Variants in COL25A1 observed in about 807,000 individuals in gnomAD.
The protein encoded by COL25A1 is collagen type XXV alpha 1 chain, also known as collagen alpha-1(XXV) chain.
COL25A1 carries 103 observed loss-of-function variants against 128.4 expected under a neutral mutation model. The ratio of observed to expected loss-of-function variants is 0.80; its 90% CI spans 0.68 to 0.94. COL25A1 has a LOEUF of 0.94. COL25A1 is among the 40% of genes least tolerant of loss of function. The pLI is 0.00. For synonymous variants in COL25A1, 279 were observed against 277.2 expected, an observed-to-expected ratio of 1.01 and a Z score of -0.06; for missense variants, 745 against 840.0, an observed-to-expected ratio of 0.89 and a Z score of 1.40.
At chr4:109,091,875 A>T (rs1764938560) in intron 3 of COL25A1, among the ~76,000 whole-genome samples, 1 of 152,170 alleles carries the variant, frequency 6.6e-6, no homozygotes, top group Non-Finnish European at 1.5e-5. Context: ...CAAGCGCAGG[A>T]GTGAGTTTTC....
chr4:109,093,212 A>G (rs1402318119), intron 3 of COL25A1, among the ~76,000 whole-genome samples: 1 of 152,184 alleles, frequency 6.6e-6, no homozygotes, highest in African/African-American at 2.4e-5. Flanking sequence ...AACTAAAACT[A>G]AAAATCACAT....
In COL25A1 at chr4:108,809,342, T is replaced by A. The variant is rs1249264710; in HGVS notation, c.*4585A>T. 1 of 152,126 alleles carries A rather than the reference T, an allele frequency of 6.6e-6. No individual in the cohort carries two copies. The highest frequency in any genetic ancestry group is 2.4e-5 in the African/African-American group (1 of 41,460). The allele number at this position is 152,126 out of a possible 1,614,324, so 9.4% of individuals were successfully genotyped here. A position where few individuals can be genotyped will look rare whatever the true frequency, so the allele number is the denominator to read the frequency against. ...CAGATACATACATCTTTTAAAATGT[T>A]ATTAAGTTGAATGAAACATTTACAA... On this transcript the variant is annotated 3_prime_UTR_variant, in exon 38 of 38. Coordinates refer to ENST00000399132, the MANE Select transcript of COL25A1 (RefSeq NM_198721.4).
chr4:109,176,026 C>T (rs1388688235), intron 3 of COL25A1, among the ~76,000 whole-genome samples: 1 of 152,052 alleles, frequency 6.6e-6, no homozygotes, highest in African/African-American at 2.4e-5. Flanking sequence ...ATTGCCATAC[C>T]GTCATTCATC....
At chr4:108,914,764 C>T (rs1365736334) in intron 13 of COL25A1, among the ~76,000 whole-genome samples, 1 of 150,600 alleles carries the variant, frequency 6.6e-6, no homozygotes, top group Non-Finnish European at 1.5e-5. Flanking sequence ...AGTGATCCTC[C>T]CACCTTGGCC....
chr4:109,213,552 C>T (rs1409962008), intron 3 of COL25A1, among the ~76,000 whole-genome samples: 2 of 152,104 alleles, frequency 1.3e-5, no homozygotes, highest in Admixed American at 1.3e-4. Context: ...ACTGAGAAGC[C>T]TGGTCAACAG....
chr4:109,128,788 A>C (rs1451344726), intron 3 of COL25A1, among the ~76,000 whole-genome samples: 1 of 152,230 alleles, frequency 6.6e-6, no homozygotes, highest in East Asian at 1.9e-4. Flanking sequence ...TCTCCTTTGG[A>C]TAAGAGAGCA....
chr4:109,222,010 A>G (rs1440641601), intron 3 of COL25A1, among the ~76,000 whole-genome samples: 2 of 152,018 alleles, frequency 1.3e-5, no homozygotes, highest in Admixed American at 6.6e-5. Flanking sequence ...AAATTTAAAA[A>G]TAACATCAAC....
chr4:108,884,934 G>T (rs576050872), intron 18 of COL25A1, among the ~76,000 whole-genome samples: 1 of 152,202 alleles, frequency 6.6e-6, no homozygotes, highest in African/African-American at 2.4e-5. Flanking sequence ...TCACAGAGTT[G>T]TCTACATTAT....
intron 6 of COL25A1, among the ~76,000 whole-genome samples, chr4:108,983,106 A>G (rs575376104): frequency 6.6e-6 from 1 of 152,194 alleles, no homozygotes; most frequent in Non-Finnish European, 1.5e-5. Flanking sequence ...GCCAATCAAA[A>G]CGAAGGGAAC....
chr4:108,854,296 T>A (rs9994255), intron 24 of COL25A1, among the ~76,000 whole-genome samples: 138,562 of 152,158 alleles, frequency 0.91, 63,101 homozygotes, highest in Middle Eastern at 0.97. Context: ...ACCATTCAGG[T>A]CATAGGTATA....
chr4:108,903,212 A>AT (rs1398227988), intron 13 of COL25A1, among the ~76,000 whole-genome samples: 1 of 151,704 alleles, frequency 6.6e-6, no homozygotes, highest in African/African-American at 2.4e-5. Context: ...TTTTTCTTTG[A>AT]TTTTTTATGT....
chr4:108,991,693 G>A (rs957857339), intron 6 of COL25A1, among the ~76,000 whole-genome samples: 40 of 152,048 alleles, frequency 2.6e-4, no homozygotes, highest in African/African-American at 8.2e-4. Flanking sequence ...AAAGGCACAC[G>A]CTTTTTGAAT....
At chr4:108,984,008 G>C (rs905443901) in intron 6 of COL25A1, among the ~76,000 whole-genome samples, 1 of 152,148 alleles carries the variant, frequency 6.6e-6, no homozygotes, top group Non-Finnish European at 1.5e-5. Flanking sequence ...CTGATTGGTA[G>C]AGCGGAGTGG....
At chr4:109,274,897 T>C (rs573579521) in intron 3 of COL25A1, among the ~76,000 whole-genome samples, 16 of 152,348 alleles carry the variant, frequency 1.1e-4, no homozygotes, top group Admixed American at 3.3e-4. Flanking sequence ...ATTTTCAGTG[T>C]GTGTCGGCAC....
At chr4:109,005,944 T>G (rs1176885515) in intron 6 of COL25A1, among the ~76,000 whole-genome samples, 2 of 151,986 alleles carry the variant, frequency 1.3e-5, no homozygotes, top group African/African-American at 2.4e-5. Flanking sequence ...AAACAAATTT[T>G]GACATTTTAG....
At chr4:108,854,579 C>T (rs1051075427) in intron 24 of COL25A1, among the ~76,000 whole-genome samples, 4 of 151,970 alleles carry the variant, frequency 2.6e-5, no homozygotes, top group African/African-American at 9.7e-5. Flanking sequence ...TTCAAAAGAA[C>T]ACATTTATGC....
At chr4:109,187,127 T>A (rs1301564654) in intron 3 of COL25A1, among the ~76,000 whole-genome samples, 1 of 152,130 alleles carries the variant, frequency 6.6e-6, no homozygotes, top group African/African-American at 2.4e-5. Flanking sequence ...ACAGAAATTA[T>A]TGTCATGCGA....
At chr4:109,112,449 G>A (rs1767114517) in intron 3 of COL25A1, among the ~76,000 whole-genome samples, 1 of 151,444 alleles carries the variant, frequency 6.6e-6, no homozygotes. Context: ...TTCCTCTTTG[G>A]TTAAGAATTA....
At chr4:108,993,983 C>T (rs1024670619) in intron 6 of COL25A1, among the ~76,000 whole-genome samples, 5 of 152,038 alleles carry the variant, frequency 3.3e-5, no homozygotes, top group Admixed American at 1.3e-4. Flanking sequence ...GAGGGGAGGT[C>T]GCTTCCAAGA....
Sources: gnomAD v4.1 joint callset for allele counts (sites outside exome capture counted in the v4.1 genomes callset) on GRCh38, gnomAD v4.1.1 for gene constraint, MANE v1.5 for transcripts, NCBI Gene and HGNC (gene_info 2026-07-23, HGNC 2026-07-21) for gene names.